HAVCR1: variants seen among roughly 807,000 people sequenced by gnomAD.
The protein encoded by HAVCR1 is T cell immunoglobin domain and mucin domain protein 1.
In HAVCR1, 34 loss-of-function variants were observed where a neutral mutation model predicts 32.0. The observed-to-expected ratio is 1.06, with a 90% CI of 0.81 to 1.42. The LOEUF is 1.42. Ranked by LOEUF, HAVCR1 falls within the 40% of genes most tolerant of loss-of-function variation. The probability of loss-of-function intolerance (pLI) is 0.00; values close to 1 mark genes in which losing one functional copy is unlikely to be tolerated. For synonymous variants in HAVCR1, 178 were observed against 170.3 expected (o/e 1.05, Z -0.35); for missense variants, 420 against 442.3 (o/e 0.95, Z 0.45).
intron 3 of HAVCR1, among the ~76,000 whole-genome samples, chr5:157,053,845 G>A (rs1217605952): frequency 6.6e-6 from 1 of 151,310 alleles, no homozygotes; most frequent in Non-Finnish European, 1.5e-5. Flanking sequence ...ACCCCAGCCT[G>A]GGCGACAGAG....
chr5:157,058,803 A>C (rs1032402283), intron 1 of HAVCR1, 118 bp downstream of exon 1: 1 of 152,246 alleles, frequency 6.6e-6, no homozygotes, highest in African/African-American at 2.4e-5. Flanking sequence ...ATTGAGAGTG[A>C]ATGTGAATCA....
chr5:157,032,401 C>G (rs1754229856), intron 8 of HAVCR1, among the ~76,000 whole-genome samples: 1 of 152,090 alleles, frequency 6.6e-6, no homozygotes, highest in Admixed American at 6.6e-5. Flanking sequence ...GTCTGTAATC[C>G]CAGCTACTGG....
At chr5:157,066,004 C>G in the HAVCR1 span, among the ~76,000 whole-genome samples, 2 of 143,462 alleles carry the variant, frequency 1.4e-5, no homozygotes, top group African/African-American at 5.3e-5. Flanking sequence ...TGCAGTGAGC[C>G]GAGATCGCAC....
chr5:157,067,165 T>A, the HAVCR1 span, among the ~76,000 whole-genome samples: 6 of 152,242 alleles, frequency 3.9e-5, no homozygotes, highest in African/African-American at 1.4e-4. Context: ...GTTGATGCTC[T>A]GCAGCTACCT....
the HAVCR1 span, among the ~76,000 whole-genome samples, chr5:157,065,306 C>CAAAA: frequency 9.8e-5 from 14 of 143,032 alleles, no homozygotes; most frequent in African/African-American, 3.4e-4. Context: ...GACTCCGCCT[C>CAAAA]AAAAAAAAAA....
chr5:157,058,251 G>A, intron 1 of HAVCR1: 1 of 282,934 alleles, frequency 3.5e-6, no homozygotes, highest in Non-Finnish European at 6.7e-6. Flanking sequence ...CCTGATACAG[G>A]GTATCAGGGG....
At chr5:157,049,851 T>A (rs1431325909) in intron 4 of HAVCR1, among the ~76,000 whole-genome samples, 1 of 152,226 alleles carries the variant, frequency 6.6e-6, no homozygotes, top group African/African-American at 2.4e-5. Flanking sequence ...TTCTGACTCA[T>A]CTTACACTTC....
At chr5:157,033,863 C>T (rs1198255801) in intron 7 of HAVCR1, among the ~76,000 whole-genome samples, 1 of 152,144 alleles carries the variant, frequency 6.6e-6, no homozygotes, top group Non-Finnish European at 1.5e-5. Context: ...ACCAGCCTGA[C>T]CAACATGGTG....
At chr5:157,046,701 C>T (rs1755416321) in intron 5 of HAVCR1, among the ~76,000 whole-genome samples, 1 of 152,104 alleles carries the variant, frequency 6.6e-6, no homozygotes, top group South Asian at 2.1e-4. Context: ...TAGTGAGGGT[C>T]CTCTTTCCTA....
At chr5:157,066,558 T>TTG in the HAVCR1 span, among the ~76,000 whole-genome samples, 1 of 150,572 alleles carries the variant, frequency 6.6e-6, no homozygotes, top group African/African-American at 2.4e-5. Flanking sequence ...CCTGGGTGTT[T>TTG]TTTTTTTAAG....
At position 157,037,240 on chromosome 5, in the gene HAVCR1, G is replaced by A. The variant is rs1293032001; in HGVS notation, c.952+7C>T. The A allele has an allele frequency of 7.1e-7, 1 of 1,413,784 alleles. No individual in the cohort carries two copies. The highest frequency in any genetic ancestry group is 1.4e-5 in the African/African-American group (1 of 70,796). 87.6% of individuals were successfully genotyped at this position (1,413,784 alleles called of 1,614,324 possible). ...TGTCCCTTAGGAACAATCTCGAAAT[G>A]ACTTACTTTTGGCAATGATGACACC... is the stretch of plus-strand genomic sequence containing the variant. On this transcript the variant is annotated splice_region_variant and intron_variant, in intron 7 of 8. Transcript: ENST00000523175.
intron 5 of HAVCR1, among the ~76,000 whole-genome samples, chr5:157,048,002 C>G (rs1277058107): frequency 6.6e-6 from 1 of 152,174 alleles, no homozygotes; most frequent in Non-Finnish European, 1.5e-5. Context: ...AAACTCCACA[C>G]ATTCGGTCAC....
At chr5:157,062,389 T>C (rs1260699212), upstream of HAVCR1, among the ~76,000 whole-genome samples, 2 of 152,058 alleles carry the variant, frequency 1.3e-5, no homozygotes, top group Non-Finnish European at 2.9e-5. Context: ...AAGAAAGAAT[T>C]CAGAAAAGAA....
chr5:157,037,359 T>C lies in HAVCR1; in HGVS notation c.840A>G (p.Gln280=), dbSNP rs1754601060. The C allele has an allele frequency of 7.3e-7, 1 of 1,361,100 alleles. No individual in the cohort carries two copies. The highest frequency in any genetic ancestry group is 1.0e-6 in the Non-Finnish European group (1 of 953,478). The allele number at this position is 1,361,100 out of a possible 1,614,324, so 84.3% of individuals were successfully genotyped here. The change falls in exon 7 of 9, where the codon CAA becomes CAG. Residue 280 remains glutamine, a splice_region_variant and synonymous_variant. Transcript: ENST00000523175. ...TCAGTAGACTATGTTCTAGGAACAG[T>C]TGCTGAGGAAACAACAACAGATCAA... ...SDGLWNNNQT[Q]LFLEHSLLTA...
chr5:157,055,956 T>A (rs991553583), intron 2 of HAVCR1, among the ~76,000 whole-genome samples: 3 of 152,144 alleles, frequency 2.0e-5, no homozygotes, highest in African/African-American at 7.2e-5. Flanking sequence ...GTTTATTTTT[T>A]ATTTTTTTAA....
At chr5:157,052,244 T>C (rs1171872541) in intron 4 of HAVCR1, 117 bp downstream of exon 4, 29 of 876,248 alleles carry the variant, frequency 3.3e-5, no homozygotes, top group Admixed American at 9.6e-5. Context: ...GAGACCCTGA[T>C]TGAAACCCAG....
intron 2 of HAVCR1, 107 bp downstream of exon 2, chr5:157,057,791 T>C (rs1756304027): frequency 1.2e-6 from 1 of 805,696 alleles, no homozygotes; most frequent in Non-Finnish European, 2.2e-6. Flanking sequence ...CCAAAGAACA[T>C]CTACATTAAT....
At chr5:157,056,448 C>T (rs1008113904) in intron 2 of HAVCR1, among the ~76,000 whole-genome samples, 1 of 145,368 alleles carries the variant, frequency 6.9e-6, no homozygotes, top group African/African-American at 2.6e-5. Flanking sequence ...GGTGTGATCT[C>T]GGCTCACTGC....
At chr5:157,044,417 GAAGGAGAAAGAAAGAAAGAA>G (rs1755121333) in intron 5 of HAVCR1, among the ~76,000 whole-genome samples, 1 of 33,736 alleles carries the variant, frequency 3.0e-5, no homozygotes, top group African/African-American at 1.8e-4. Flanking sequence ...AGGAAGGAAG[GAAGGAGAAAGAAAGAAAGAA>G]AGAAAGAAAG....
Sources: gnomAD v4.1 joint callset for allele counts (sites outside exome capture counted in the v4.1 genomes callset) on GRCh38, gnomAD v4.1.1 for gene constraint, MANE v1.5 for transcripts, NCBI Gene and HGNC (gene_info 2026-07-23, HGNC 2026-07-21) for gene names.